The following LAMA2 variants were observed in gnomAD, a reference collection of about 807,000 sequenced individuals.
LAMA2 encodes laminin subunit alpha-2.
In LAMA2, 269 loss-of-function variants were observed where a neutral mutation model predicts 364.8. The ratio of observed to expected loss-of-function variants is 0.74; its 90% CI spans 0.67 to 0.82. The LOEUF is 0.82. LAMA2 is among the 40% of genes least tolerant of loss of function. The pLI is 0.00. For synonymous variants in LAMA2, 1,379 were observed against 1,370.6 expected (o/e 1.01, Z -0.14); for missense variants, 3,807 against 3,873.2 (o/e 0.98, Z 0.45).
intron 27 of LAMA2, among the ~76,000 whole-genome samples, chr6:129,318,517 G>A (rs1661434184): frequency 1.3e-5 from 2 of 152,174 alleles, no homozygotes; most frequent in Admixed American, 6.5e-5. Context: ...TCATGTGCAA[G>A]AGAAAGGAGA....
chr6:129,314,852 G>T (rs1774479937), intron 24 of LAMA2, 54 bp downstream of exon 24: 1 of 1,595,654 alleles, frequency 6.3e-7, no homozygotes, highest in African/African-American at 1.3e-5. Flanking sequence ...TCCTGCTGGT[G>T]TCTTTTAGTC....
At chr6:129,467,644 TAGG>T (rs960503660) in intron 51 of LAMA2, among the ~76,000 whole-genome samples, 9 of 151,880 alleles carry the variant, frequency 5.9e-5, no homozygotes, top group African/African-American at 1.4e-4. Context: ...TTCAACAACT[TAGG>T]AGAACAATTT....
intron 19 of LAMA2, among the ~76,000 whole-genome samples, chr6:129,291,307 T>C (rs1265774752): frequency 6.6e-6 from 1 of 152,206 alleles, no homozygotes. Flanking sequence ...TTGTATAAGC[T>C]ATGGCTTCTT....
intron 40 of LAMA2, among the ~76,000 whole-genome samples, chr6:129,418,065 C>T (rs1029641440): frequency 6.6e-6 from 1 of 152,154 alleles, no homozygotes; most frequent in Non-Finnish European, 1.5e-5. Flanking sequence ...CCCACCAGCT[C>T]TGTGGAGCAC....
chr6:129,484,813 A>G (rs1054943499), intron 55 of LAMA2, among the ~76,000 whole-genome samples: 17 of 152,164 alleles, frequency 1.1e-4, no homozygotes, highest in Non-Finnish European at 1.9e-4. Context: ...ATGGAGAAGC[A>G]AGGAGATGGT....
intron 1 of LAMA2, among the ~76,000 whole-genome samples, chr6:128,933,050 T>C (rs1313410133): frequency 3.3e-5 from 5 of 152,226 alleles, no homozygotes; most frequent in Non-Finnish European, 5.9e-5. Context: ...TCTGCTTCTA[T>C]GAGTTCAACT....
chr6:128,887,604 C>A (rs1422840826), intron 1 of LAMA2, among the ~76,000 whole-genome samples: 1 of 152,096 alleles, frequency 6.6e-6, no homozygotes. Flanking sequence ...CAAGGTGGCT[C>A]ACTCCTGTAA....
intron 18 of LAMA2, 137 bp from the exon 19 acceptor site, chr6:129,287,710 A>T: frequency 1.3e-6 from 1 of 779,852 alleles, no homozygotes; most frequent in Non-Finnish European, 2.3e-6. Flanking sequence ...ACATTTTTTT[A>T]ATCACGTTGC....
intron 4 of LAMA2, among the ~76,000 whole-genome samples, chr6:129,113,366 AGT>A (rs897192149): frequency 2.0e-5 from 3 of 152,002 alleles, no homozygotes; most frequent in African/African-American, 7.2e-5. Context: ...AGATGGATGT[AGT>A]CTTTTTGCTG....
chr6:129,284,728 C>T (rs144347282), intron 18 of LAMA2, among the ~76,000 whole-genome samples: 48 of 152,150 alleles, frequency 3.2e-4, no homozygotes, highest in African/African-American at 7.7e-4. Flanking sequence ...CTTGTCTGCA[C>T]GTCCGCTCTT....
chr6:129,376,010 A>G (rs1024589762), intron 34 of LAMA2, among the ~76,000 whole-genome samples: 3 of 152,138 alleles, frequency 2.0e-5, no homozygotes, highest in Non-Finnish European at 2.9e-5. Context: ...GCCTTATCCA[A>G]CTCTAACCTG....
chr6:129,097,457 CTG>C (rs1192374165), intron 3 of LAMA2, among the ~76,000 whole-genome samples: 1 of 152,198 alleles, frequency 6.6e-6, no homozygotes, highest in Non-Finnish European at 1.5e-5. Context: ...CATTGTCACT[CTG>C]TTAACAGTAA....
In LAMA2 at chr6:129,149,008, A is replaced by G. The variant is rs775906839; in HGVS notation, c.939A>G (p.Thr313=). The change falls in exon 7 of 65, where the codon ACA becomes ACG. Residue 313 remains threonine, a synonymous_variant. Coordinates refer to ENST00000421865, the MANE Select transcript of LAMA2 (RefSeq NM_000426.4). ...CTCGCTGTGAGTGTGAGCATAACAC[A>G]TGTGGCGATAGCTGTGATCAGTGCT... ...NKSRCECEHN[T]CGDSCDQCCP... 5.6e-6 allele frequency: 9 copies of G among 1,613,314 alleles called. No individual in the cohort carries two copies. In the South Asian group the frequency reaches 9.9e-5, roughly 18 times the overall value.
chr6:129,402,533 C>G, intron 39 of LAMA2, 46 bp downstream of exon 39: 1 of 1,580,244 alleles, frequency 6.3e-7, no homozygotes, highest in Non-Finnish European at 8.7e-7. Context: ...TGATGCTTGT[C>G]CAAAGGTTTT....
chr6:129,311,039 T>C (rs180762189), intron 22 of LAMA2, among the ~76,000 whole-genome samples: 190 of 152,132 alleles, frequency 1.2e-3, no homozygotes, highest in African/African-American at 4.4e-3. Flanking sequence ...GGAGAGACAA[T>C]GTGCCCTCCC....
At chr6:129,433,145 T>A (rs1781680099) in intron 41 of LAMA2, among the ~76,000 whole-genome samples, 1 of 151,998 alleles carries the variant, frequency 6.6e-6, no homozygotes, top group African/African-American at 2.4e-5. Context: ...GGAGTAACAA[T>A]CATGAAAGAA....
At position 129,503,149 on chromosome 6, in the gene LAMA2, G is replaced by A; in HGVS notation, c.8416G>A (p.Ala2806Thr). 6.2e-7 allele frequency: 1 copy of A among 1,614,110 alleles called. No homozygotes were observed. The highest frequency in any genetic ancestry group is 1.1e-5 in the South Asian group (1 of 91,078). ...TGAATCCGGCTTGCTTTTTTACATG[G>A]CTCGCATCAATCATGCTGATTTTGC... ...EAESGLLFYM[A>T]RINHADFATV... Residue 2806 changes from alanine (A) to threonine (T), a missense_variant, in exon 60 of 65, where the codon GCT (alanine) becomes ACT (threonine). Physicochemically the swap from Ala to Thr is moderately conservative, Grantham distance 58 (BLOSUM62 0). This residue lies in a region of LAMA2 where 3,333 missense variants were observed against 3,345.7 expected (regional missense o/e 1.00). Coordinates refer to ENST00000421865, the MANE Select transcript of LAMA2 (RefSeq NM_000426.4).
At chr6:129,197,065 C>T (rs1781893489) in intron 12 of LAMA2, among the ~76,000 whole-genome samples, 1 of 152,162 alleles carries the variant, frequency 6.6e-6, no homozygotes, top group African/African-American at 2.4e-5. Context: ...ACTAGACAGA[C>T]ACTTTACAGC....
intron 3 of LAMA2, among the ~76,000 whole-genome samples, chr6:129,081,336 T>C (rs1442009733): frequency 1.3e-5 from 2 of 152,158 alleles, no homozygotes; most frequent in East Asian, 3.8e-4. Context: ...GGCACATGTA[T>C]ACATATGTAA....
Sources: gnomAD v4.1 joint callset for allele counts (sites outside exome capture counted in the v4.1 genomes callset) on GRCh38, gnomAD v4.1.1 for gene constraint, gnomAD v4.1.1 regional missense constraint, MANE v1.5 for transcripts, NCBI Gene and HGNC (gene_info 2026-07-23, HGNC 2026-07-21) for gene names.